MAGI1: variants seen among roughly 807,000 people sequenced by gnomAD.
MAGI1 encodes the protein membrane-associated guanylate kinase, WW and PDZ domain-containing protein 1.
Under a neutral mutation model 139.9 loss-of-function variants are expected in MAGI1, and 58 were observed. That is an observed-to-expected ratio of 0.41 (90% CI 0.34 to 0.52). MAGI1 has a LOEUF of 0.52. MAGI1 is among the 20% of genes least tolerant of loss of function. MAGI1 has a pLI of 0.12. For missense variants in MAGI1, 1,874 were observed against 1,901.6 expected, an observed-to-expected ratio of 0.99 and a Z score of 0.27; for synonymous variants, 812 against 737.9, an observed-to-expected ratio of 1.10 and a Z score of -1.63.
At position 65,812,087 on chromosome 3, in the gene MAGI1, T is replaced by C. The variant is rs963908241; in HGVS notation, c.314-189999A>G. ...GCATTAAGCCAGCCTGAAATTGATC[T>C]GTGTCTCTCCGTAACTCAAAGCCAA... On this transcript the variant is annotated intron_variant, in intron 1 of 22. Transcript: ENST00000402939. Among the ~76,000 whole-genome samples the C allele has an allele frequency of 3.9e-5, 6 of 152,130 alleles. No homozygotes were observed. The East Asian group carries it at 1.2e-3, about 29-fold the overall frequency.
intron 2 of MAGI1, among the ~76,000 whole-genome samples, chr3:65,529,657 G>T (rs1247427938): frequency 1.3e-5 from 2 of 152,086 alleles, no homozygotes; most frequent in Non-Finnish European, 2.9e-5. Context: ...TGTGAATTAT[G>T]TGCAGTTATG....
intron 2 of MAGI1, among the ~76,000 whole-genome samples, chr3:65,574,445 TAAAA>T (rs56669559): frequency 1.8e-5 from 2 of 108,572 alleles, no homozygotes; most frequent in Non-Finnish European, 2.0e-5. Flanking sequence ...GCATAGAAAC[TAAAA>T]AAAAAAAAAA....
In MAGI1 at chr3:65,907,017, T is replaced by C. The variant is rs1378760331; in HGVS notation, c.313+130979A>G. On this transcript the variant is annotated intron_variant, in intron 1 of 22. Coordinates refer to ENST00000402939, the MANE Select transcript of MAGI1 (RefSeq NM_001033057.2). The stretch of plus-strand genomic sequence containing the variant: ...ATTTCCCTTTTGTCTCTAGCATTGA[T>C]CCACAAATTCAGTGAGAAAAATCTT... Among the ~76,000 whole-genome samples, 5 of 150,578 alleles carry C rather than the reference T, an allele frequency of 3.3e-5. No individual in the cohort carries two copies. The East Asian group carries it at 9.8e-4, about 30-fold the overall frequency.
chr3:65,418,513 AACCCCAAGGCCT>A (rs1946398448), intron 12 of MAGI1, among the ~76,000 whole-genome samples: 2 of 152,296 alleles, frequency 1.3e-5, no homozygotes, highest in South Asian at 4.1e-4. Flanking sequence ...TACACAGACT[AACCCCAAGGCCT>A]ACCCCTTCTC....
At chr3:65,442,737 GT>G (rs1948430730) in intron 8 of MAGI1, 54 bp downstream of exon 8, 1 of 1,316,120 alleles carries the variant, frequency 7.6e-7, no homozygotes, top group Non-Finnish European at 1.1e-6. Flanking sequence ...TAACACAAAT[GT>G]ACATAATTAT....
chr3:65,720,739 T>C (rs563952770), intron 1 of MAGI1, among the ~76,000 whole-genome samples: 45 of 152,204 alleles, frequency 3.0e-4, no homozygotes, highest in Non-Finnish European at 4.4e-4. Flanking sequence ...ATTCTTTTTT[T>C]GTTTGTTTTA....
At position 65,361,336 on chromosome 3, in the gene MAGI1, A is replaced by G. The variant is rs1940832110; in HGVS notation, c.3497T>C (p.Ile1166Thr). Residue 1166 changes from isoleucine to threonine, a missense_variant and splice_region_variant, in exon 22 of 23, where the codon ATT becomes ACT. By Grantham distance (89) the Ile-to-Thr change is moderately conservative (BLOSUM62 -1). Coordinates refer to ENST00000402939, the MANE Select transcript of MAGI1 (RefSeq NM_001033057.2). ...ATTGATCTCTAAAATTTCATCACCA[A>G]TCTGCCAAAGCAAAAGAAAACTAAG... ...GPAERCGKMRIGDEILEINGE... is the reference protein window; with the variant it reads ...GPAERCGKMRTGDEILEINGE... 1.9e-6 allele frequency: 3 copies of G among 1,613,250 alleles called. No individual in the cohort carries two copies. The highest frequency in any genetic ancestry group is 1.7e-5 in the Admixed American group (1 of 59,962).
chr3:65,734,048 A>G (rs973071727), intron 1 of MAGI1, among the ~76,000 whole-genome samples: 10 of 152,222 alleles, frequency 6.6e-5, no homozygotes, highest in Admixed American at 4.6e-4. Context: ...AGGTCCATTT[A>G]TCTTTCTCAA....
chr3:65,691,838 C>A (rs114528782), intron 1 of MAGI1, among the ~76,000 whole-genome samples: 133 of 152,282 alleles, frequency 8.7e-4, no homozygotes, highest in African/African-American at 3.0e-3. Context: ...GCATGGCTAA[C>A]TGGACTGAAA....
At chr3:65,569,672 T>C (rs1022822687) in intron 2 of MAGI1, among the ~76,000 whole-genome samples, 19 of 151,986 alleles carry the variant, frequency 1.3e-4, no homozygotes, top group African/African-American at 3.1e-4. Flanking sequence ...AGCCCAGAAG[T>C]TGGAGACCAG....
At chr3:65,445,089 T>C (rs192682190) in intron 7 of MAGI1, among the ~76,000 whole-genome samples, 2 of 152,314 alleles carry the variant, frequency 1.3e-5, no homozygotes, top group East Asian at 3.9e-4. Context: ...AATCCTCGTA[T>C]GACTAACCAC....
intron 1 of MAGI1, among the ~76,000 whole-genome samples, chr3:66,007,627 G>C (rs772163661): frequency 2.6e-5 from 4 of 152,170 alleles, no homozygotes; most frequent in Non-Finnish European, 4.4e-5. Context: ...GTCTGTTGCT[G>C]ATGCTTCCGA....
intron 1 of MAGI1, among the ~76,000 whole-genome samples, chr3:66,010,649 C>G (rs897450860): frequency 6.6e-6 from 1 of 152,172 alleles, no homozygotes; most frequent in African/African-American, 2.4e-5. Context: ...AGTAGGACAG[C>G]TCTTTGAAAA....
intron 1 of MAGI1, among the ~76,000 whole-genome samples, chr3:65,841,708 G>A (rs1283826711): frequency 3.3e-5 from 5 of 152,110 alleles, no homozygotes; most frequent in Non-Finnish European, 5.9e-5. Flanking sequence ...TTACAGGCAT[G>A]AGCCACCGTG....
chr3:65,864,830 A>C (rs928834662), intron 1 of MAGI1, among the ~76,000 whole-genome samples: 1 of 152,092 alleles, frequency 6.6e-6, no homozygotes, highest in Non-Finnish European at 1.5e-5. Flanking sequence ...CACAAAATGA[A>C]GATTCTACTG....
intron 17 of MAGI1, among the ~76,000 whole-genome samples, chr3:65,378,836 C>T (rs1434675398): frequency 6.6e-6 from 1 of 152,032 alleles, no homozygotes; most frequent in African/African-American, 2.4e-5. Flanking sequence ...CATGCACTAC[C>T]ACGCCCAGCT....
intron 1 of MAGI1, among the ~76,000 whole-genome samples, chr3:65,846,391 G>A (rs2058995551): frequency 6.6e-6 from 1 of 152,204 alleles, no homozygotes; most frequent in South Asian, 2.1e-4. Flanking sequence ...GCAAAGTTGA[G>A]ACAATGGATG....
intron 2 of MAGI1, among the ~76,000 whole-genome samples, chr3:65,506,936 A>G (rs1417508915): frequency 6.6e-6 from 1 of 152,248 alleles, no homozygotes; most frequent in African/African-American, 2.4e-5. Flanking sequence ...CAGTTGACAT[A>G]GGCATGATAG....
At chr3:65,430,576 T>C (rs1947381670) in intron 11 of MAGI1, 123 bp downstream of exon 11, 1 of 1,006,346 alleles carries the variant, frequency 9.9e-7, no homozygotes, top group Non-Finnish European at 1.5e-6. Flanking sequence ...TTTAAAGCTG[T>C]AAACATGTGC....
Sources: gnomAD v4.1 joint callset for allele counts (sites outside exome capture counted in the v4.1 genomes callset) on GRCh38, gnomAD v4.1.1 for gene constraint, MANE v1.5 for transcripts, NCBI Gene and HGNC (gene_info 2026-07-23, HGNC 2026-07-21) for gene names.